NELL2: variants seen among roughly 807,000 people sequenced by gnomAD.
The protein encoded by NELL2 is neural EGFL like 2, also known as protein kinase C-binding protein NELL2.
A neutral mutation model predicts 109.6 loss-of-function variants in NELL2; 41 were observed. The observed-to-expected ratio is 0.37, with a 90% confidence interval of 0.29 to 0.49. The LOEUF (loss-of-function observed/expected upper bound fraction) is 0.49, where lower values mean the gene tolerates loss of function less well. NELL2 is among the 20% of genes least tolerant of loss of function. The pLI is 0.98. For synonymous variants in NELL2, 355 were observed against 344.7 expected (o/e 1.03, Z -0.33); for missense variants, 900 against 1,008.3 (o/e 0.89, Z 1.45).
chr12:44,649,271 G>C (rs545079304), intron 13 of NELL2, among the ~76,000 whole-genome samples: 1 of 143,758 alleles, frequency 7.0e-6, no homozygotes, highest in Non-Finnish European at 1.5e-5. Flanking sequence ...GTAATCCAGC[G>C]TCTGAACCAC....
intron 13 of NELL2, among the ~76,000 whole-genome samples, chr12:44,645,871 T>A (rs1358553042): frequency 6.6e-6 from 1 of 152,142 alleles, no homozygotes; most frequent in Non-Finnish European, 1.5e-5. Context: ...TTATCCAGTA[T>A]ATTATAGTAT....
chr12:44,896,786 C>T (rs1228468267), intron 1 of NELL2, among the ~76,000 whole-genome samples: 1 of 152,080 alleles, frequency 6.6e-6, no homozygotes, highest in African/African-American at 2.4e-5. Context: ...AGATGGATGA[C>T]ACACCAGAAG....
intron 13 of NELL2, among the ~76,000 whole-genome samples, chr12:44,620,744 C>A (rs1204510668): frequency 2.0e-5 from 3 of 152,206 alleles, no homozygotes; most frequent in African/African-American, 7.2e-5. Flanking sequence ...CTTAAAAGTT[C>A]TCATTTCTGT....
chr12:44,848,524 G>A (rs1288288278), intron 2 of NELL2, among the ~76,000 whole-genome samples: 1 of 152,078 alleles, frequency 6.6e-6, no homozygotes, highest in African/African-American at 2.4e-5. Context: ...GACAAACACA[G>A]GACAAGACCC....
chr12:44,739,079 C>T (rs1939802995), intron 9 of NELL2, among the ~76,000 whole-genome samples: 1 of 152,146 alleles, frequency 6.6e-6, no homozygotes, highest in Non-Finnish European at 1.5e-5. Context: ...CCATATTCAT[C>T]CTTCTGATCT....
intron 15 of NELL2, among the ~76,000 whole-genome samples, chr12:44,539,564 T>C (rs968645801): frequency 2.0e-5 from 3 of 152,204 alleles, no homozygotes; most frequent in Non-Finnish European, 4.4e-5. Context: ...ACTTTATCTT[T>C]TTTTAAATAA....
chr12:44,831,762 A>G (rs1185453072), intron 2 of NELL2, among the ~76,000 whole-genome samples: 2 of 152,214 alleles, frequency 1.3e-5, no homozygotes, highest in Non-Finnish European at 2.9e-5. Context: ...CATGAGGAAA[A>G]TGGCAGTGTG....
intron 13 of NELL2, among the ~76,000 whole-genome samples, chr12:44,661,226 A>G (rs1947731449): frequency 6.6e-6 from 1 of 152,208 alleles, no homozygotes; most frequent in African/African-American, 2.4e-5. Flanking sequence ...TAAGGGAAGA[A>G]TCATGGGAAA....
chr12:44,623,618 G>T (rs1292642582), intron 13 of NELL2, among the ~76,000 whole-genome samples: 2 of 152,072 alleles, frequency 1.3e-5, no homozygotes, highest in Admixed American at 6.6e-5. Flanking sequence ...CTTGCCCCCA[G>T]GAATCACTAA....
Position 44,777,218 on chromosome 12 carries a change from C to T in NELL2, c.679+24G>A, listed in dbSNP as rs372446099. 2.5e-6 allele frequency: 4 copies of T among 1,610,246 alleles called. No individual in the cohort carries two copies. In the African/African-American group the frequency reaches 5.3e-5, roughly 22 times the overall value. On this transcript the variant is annotated intron_variant, in intron 6 of 19. Transcript: ENST00000429094. ...TGACAAGTAATATATGGGGACTCCA[C>T]AGTGCAAGAACTAATAGACTTACTG...
At chr12:44,705,142 C>A (rs1309650315) in intron 11 of NELL2, among the ~76,000 whole-genome samples, 1 of 151,708 alleles carries the variant, frequency 6.6e-6, no homozygotes, top group East Asian at 1.9e-4. Context: ...TATATTGGTT[C>A]ATCTTATCTG....
chr12:44,644,603 TG>T (rs1947002816), intron 13 of NELL2, among the ~76,000 whole-genome samples: 1 of 88,072 alleles, frequency 1.1e-5, no homozygotes, highest in South Asian at 3.2e-4. Flanking sequence ...TATATATATA[TG>T]TATGTATATA....
intron 9 of NELL2, among the ~76,000 whole-genome samples, chr12:44,723,504 C>A (rs1417386653): frequency 1.3e-5 from 2 of 152,144 alleles, no homozygotes; most frequent in Non-Finnish European, 2.9e-5. Flanking sequence ...TTTAAACACA[C>A]AAATTCACAC....
chr12:44,555,163 A>C (rs1310376365), intron 15 of NELL2, among the ~76,000 whole-genome samples: 3 of 152,182 alleles, frequency 2.0e-5, no homozygotes, highest in Non-Finnish European at 4.4e-5. Flanking sequence ...GGGGTCTGTG[A>C]GCAGCAGCCT....
chr12:44,574,400 A>G (rs1470324939), intron 15 of NELL2, among the ~76,000 whole-genome samples: 1 of 152,214 alleles, frequency 6.6e-6, no homozygotes, highest in Non-Finnish European at 1.5e-5. Flanking sequence ...GTGGGGTAAT[A>G]TGTTCATCTT....
intron 9 of NELL2, among the ~76,000 whole-genome samples, chr12:44,733,107 T>C (rs1939455583): frequency 6.6e-6 from 1 of 151,936 alleles, no homozygotes; most frequent in Admixed American, 6.6e-5. Flanking sequence ...AAACTGTTGC[T>C]GGGAATGTAA....
At chr12:44,794,882 T>A (rs1248136338) in intron 3 of NELL2, among the ~76,000 whole-genome samples, 1 of 151,788 alleles carries the variant, frequency 6.6e-6, no homozygotes, top group Non-Finnish European at 1.5e-5. Context: ...ACATAATTTG[T>A]CACACTTGAA....
intron 2 of NELL2, among the ~76,000 whole-genome samples, chr12:44,840,293 A>T (rs1944184283): frequency 6.6e-6 from 1 of 152,098 alleles, no homozygotes; most frequent in Non-Finnish European, 1.5e-5. Flanking sequence ...ATGTATTGCA[A>T]GTTATTTACT....
intron 2 of NELL2, among the ~76,000 whole-genome samples, chr12:44,866,814 A>C (rs2136822770): frequency 6.6e-6 from 1 of 152,234 alleles, no homozygotes; most frequent in African/African-American, 2.4e-5. Context: ...ATACCACAGA[A>C]ATACAAAACA....
Sources: gnomAD v4.1 joint callset for allele counts (sites outside exome capture counted in the v4.1 genomes callset) on GRCh38, gnomAD v4.1.1 for gene constraint, MANE v1.5 for transcripts, NCBI Gene and HGNC (gene_info 2026-07-23, HGNC 2026-07-21) for gene names.